Variants in SNAI1 observed in about 807,000 individuals in gnomAD.
The protein encoded by SNAI1 is snail family transcriptional repressor 1.
Under a neutral mutation model 24.7 loss-of-function variants are expected in SNAI1, and 15 were observed. The observed-to-expected ratio is 0.61, with a 90% CI of 0.41 to 0.93. The LOEUF (loss-of-function observed/expected upper bound fraction) is 0.93, where lower values mean the gene tolerates loss of function less well. SNAI1 is among the 40% of genes least tolerant of loss of function. The pLI, the probability that SNAI1 is intolerant of heterozygous loss-of-function variation, is 0.00. For synonymous variants in SNAI1, 163 were observed against 142.9 expected (o/e 1.14, Z -1.00); for missense variants, 283 against 336.7 (o/e 0.84, Z 1.25).
intron 2 of SNAI1, among the ~76,000 whole-genome samples, chr20:49,985,983 T>C (rs1013544798): frequency 6.6e-6 from 1 of 152,052 alleles, no homozygotes; most frequent in Non-Finnish European, 1.5e-5. Flanking sequence ...TCCTTCCCCT[T>C]TTGTTTGGGT....
chr20:49,987,404 G>C (rs1242062693), intron 2 of SNAI1, among the ~76,000 whole-genome samples: 1 of 152,176 alleles, frequency 6.6e-6, no homozygotes, highest in Admixed American at 6.5e-5. Context: ...GGCAGTAGGT[G>C]AAATCAGAGG....
intron 2 of SNAI1, among the ~76,000 whole-genome samples, chr20:49,985,278 A>G (rs1264316060): frequency 6.6e-6 from 1 of 152,142 alleles, no homozygotes; most frequent in Non-Finnish European, 1.5e-5. Context: ...CAGTTGAGGG[A>G]GAAGATTCCA....
At chr20:49,987,847 G>A (rs755809892) in intron 2 of SNAI1, 25 bp from the exon 3 acceptor site, 54 of 1,611,672 alleles carry the variant, frequency 3.4e-5, no homozygotes, top group Admixed American at 6.7e-5. Flanking sequence ...CGGCTCACTC[G>A]GCCTTTCTGG....
intron 2 of SNAI1, among the ~76,000 whole-genome samples, chr20:49,986,572 T>C: frequency 6.6e-6 from 1 of 152,142 alleles, no homozygotes. Context: ...AATTGCATGT[T>C]TTTTAAAAAG....
At chr20:49,983,503 T>G (rs1600886767) in intron 1 of SNAI1, among the ~76,000 whole-genome samples, 2 of 117,240 alleles carry the variant, frequency 1.7e-5, no homozygotes, top group African/African-American at 3.3e-5. Context: ...GGAGACGAGA[T>G]GTGTGTGAGG....
At position 49,983,000 on chromosome 20, in the gene SNAI1, A is replaced by G. The variant is rs1026290233; in HGVS notation, c.-60A>G. The G allele has an allele frequency of 1.2e-5, 14 of 1,152,534 alleles. No homozygotes were observed. The African/African-American group carries it at 1.3e-4, about 11-fold the overall frequency. The allele number at this position is 1,152,534 out of a possible 1,614,324, so 71.4% of individuals were successfully genotyped here. A position where few individuals can be genotyped will look rare whatever the true frequency, so the allele number is the denominator to read the frequency against. ...CATTCATTGCGCCGCGGCACGGCCT[A>G]GCGAGTGGTTCTTCTGCGCTACTGC... On this transcript the variant is annotated 5_prime_UTR_variant, in exon 1 of 3. Coordinates refer to ENST00000244050, the MANE Select transcript of SNAI1 (RefSeq NM_005985.4).
chr20:49,983,085 AG>A lies in SNAI1; in HGVS notation c.27del (p.Lys9AsnfsTer80). 1 of 1,613,788 alleles carries A rather than the reference AG, an allele frequency of 6.2e-7. No homozygotes were observed. Among genetic ancestry groups the A allele is most frequent in the Non-Finnish European group, 8.5e-7 (1 of 1,179,944 alleles). On this transcript the variant is annotated frameshift_variant, in exon 1 of 3. Coordinates refer to ENST00000244050, the MANE Select transcript of SNAI1 (RefSeq NM_005985.4). LOFTEE classifies it high-confidence loss of function. ...ATGCCGCGCTCTTTCCTCGTCAGGA[AG>A]CCCTCCGACCCCAATCGGAAGCCTA... MPRSFLVR[K>X]PSDPNRKPNY... is the part of the protein sequence containing the mutation.
At position 49,983,089 on chromosome 20, in the gene SNAI1, C is replaced by T. The variant is rs769334624; in HGVS notation, c.30C>T (p.Pro10=). 3.1e-6 allele frequency: 5 copies of T among 1,613,908 alleles called. No homozygotes were observed. In the South Asian group the frequency reaches 3.3e-5, roughly 11 times the overall value. ...CGCGCTCTTTCCTCGTCAGGAAGCCCTCCGACCCCAATCGGAAGCCTAACT... is the reference window on the plus strand; with the variant it reads ...CGCGCTCTTTCCTCGTCAGGAAGCCTTCCGACCCCAATCGGAAGCCTAACT... MPRSFLVRK[P]SDPNRKPNYS... The change falls in exon 1 of 3, where the codon CCC becomes CCT. Residue 10 remains proline (P), a synonymous_variant. Coordinates refer to ENST00000244050, the MANE Select transcript of SNAI1 (RefSeq NM_005985.4).
chr20:49,983,769 T>C, intron 1 of SNAI1, 55 bp from the exon 2 acceptor site: 1 of 1,498,426 alleles, frequency 6.7e-7, no homozygotes, highest in Non-Finnish European at 8.9e-7. Flanking sequence ...GGGCTCATGT[T>C]TGTTGATTGA....
chr20:49,983,704 T>G, intron 1 of SNAI1, 120 bp from the exon 2 acceptor site: 1 of 1,014,140 alleles, frequency 9.9e-7, no homozygotes, highest in South Asian at 1.6e-5. Flanking sequence ...GTGGATAATT[T>G]TTTTGATCTA....
At chr20:49,987,346 T>C (rs2078337035) in intron 2 of SNAI1, among the ~76,000 whole-genome samples, 1 of 152,146 alleles carries the variant, frequency 6.6e-6, no homozygotes, top group East Asian at 1.9e-4. Flanking sequence ...ACTCCAGGAC[T>C]GATGGTAAGG....
Position 49,983,338 on chromosome 20 carries a change from G to A in SNAI1, c.82+197G>A, listed in dbSNP as rs947812535. 5.9e-5 allele frequency among the ~76,000 whole-genome samples: 9 copies of A among 151,782 alleles called. 1 individual carries two copies. The highest frequency in any genetic ancestry group is 1.5e-5 in the Non-Finnish European group (1 of 67,986). ...GTCTGGGTGGTTGGGGGAGTGCCGT[G>A]TAGAGGGCAGGGGTCTTCAGCTTGG... On this transcript the variant is annotated intron_variant, in intron 1 of 2. Transcript: ENST00000244050.
chr20:49,984,593 G>A (rs1455990384), intron 2 of SNAI1, among the ~76,000 whole-genome samples: 1 of 152,218 alleles, frequency 6.6e-6, no homozygotes, highest in Non-Finnish European at 1.5e-5. Flanking sequence ...CAAATGGGTC[G>A]GAGCTGGATA....
chr20:49,986,034 G>A (rs1182674308), intron 2 of SNAI1, among the ~76,000 whole-genome samples: 1 of 151,078 alleles, frequency 6.6e-6, no homozygotes, highest in Non-Finnish European at 1.5e-5. Context: ...GTACAGGAGG[G>A]TAGTGCTCAG....
intron 2 of SNAI1, among the ~76,000 whole-genome samples, chr20:49,985,926 C>T (rs995989274): frequency 6.6e-6 from 1 of 152,228 alleles, no homozygotes; most frequent in African/African-American, 2.4e-5. Context: ...GTGCCTCCTG[C>T]GTGTGCACAC....
At chr20:49,983,789 T>G in intron 1 of SNAI1, 35 bp from the exon 2 acceptor site, 1 of 1,531,180 alleles carries the variant, frequency 6.5e-7, no homozygotes, top group Non-Finnish European at 8.8e-7. Flanking sequence ...AGTGAATGAT[T>G]TAATTAACGC....
rs1343472586 is a variant in SNAI1 at position 49,988,177 on chromosome 20, C to T, written c.*121C>T. Reference sequence around the variant, plus strand: ...GAATTCCCTCCTGAGTGCCCCACTTCTGGCCACATCAGCCCCACAGGACTT... The same window carrying T: ...GAATTCCCTCCTGAGTGCCCCACTTTTGGCCACATCAGCCCCACAGGACTT... On this transcript the variant is annotated 3_prime_UTR_variant, in exon 3 of 3. Coordinates refer to ENST00000244050, the MANE Select transcript of SNAI1 (RefSeq NM_005985.4). 6 of 823,666 alleles carry T rather than the reference C, an allele frequency of 7.3e-6. No homozygotes were observed. Among genetic ancestry groups the T allele is most frequent in the Non-Finnish European group, 1.1e-5 (6 of 531,952 alleles). 51.0% of individuals were successfully genotyped at this position (823,666 alleles called of 1,614,324 possible).
chr20:49,983,958 G>T lies in SNAI1; in HGVS notation c.217G>T (p.Ala73Ser). 6.2e-7 allele frequency: 1 copy of T among 1,613,396 alleles called. No individual in the cohort carries two copies. Among genetic ancestry groups the T allele is most frequent in the Non-Finnish European group, 8.5e-7 (1 of 1,179,922 alleles). The change falls in exon 2 of 3, where the codon GCC becomes TCC. Residue 73 changes from alanine (A) to serine (S), a missense_variant. By Grantham distance (99) the Ala-to-Ser change is moderately conservative (BLOSUM62 1). Transcript: ENST00000244050. ...SVLAPQAQPI[A>S]WASLRLQESP... is the part of the protein sequence containing the mutation. The stretch of plus-strand genomic sequence containing the variant: ...CCTGGCGCCCCAAGCCCAGCCAATT[G>T]CCTGGGCCTCCCTTCGGCTCCAGGA...
Position 49,983,914 on chromosome 20 carries a change from T to C in SNAI1, c.173T>C (p.Met58Thr). The C allele has an allele frequency of 6.2e-7, 1 of 1,613,468 alleles. No individual in the cohort carries two copies. Among genetic ancestry groups the C allele is most frequent in the Non-Finnish European group, 8.5e-7 (1 of 1,179,988 alleles). The stretch of plus-strand genomic sequence containing the variant: ...CTCAACCCCACCGCCTCGCTGCCAA[T>C]GCTCATCTGGGACTCTGTCCTGGCG... ...EILNPTASLP[M>T]LIWDSVLAPQ... Residue 58 changes from methionine to threonine, a missense_variant, in exon 2 of 3, where the codon ATG (methionine) becomes ACG (threonine). Transcript: ENST00000244050.
Sources: allele counts gnomAD v4.1 joint callset (sites outside exome capture counted in the v4.1 genomes callset), GRCh38; gene constraint gnomAD v4.1.1; transcripts MANE v1.5; gene names NCBI Gene and HGNC (gene_info 2026-07-23, HGNC 2026-07-21).